POC1A: variants seen among roughly 807,000 people sequenced by gnomAD.
POC1A encodes the protein POC1 centriolar protein A.
A neutral mutation model predicts 47.8 loss-of-function variants in POC1A; 34 were observed. The observed-to-expected ratio is 0.71, with a 90% confidence interval of 0.54 to 0.95. The LOEUF (loss-of-function observed/expected upper bound fraction) is 0.95. Ranked by LOEUF, POC1A falls within the 40% of genes least tolerant of loss-of-function variation. The pLI is 0.00. For synonymous variants in POC1A, 177 were observed against 207.6 expected (o/e 0.85, Z 1.27); for missense variants, 466 against 528.3 (o/e 0.88, Z 1.16).
intron 10 of POC1A, among the ~76,000 whole-genome samples, chr3:52,091,707 C>T (rs1392026255): frequency 6.6e-6 from 1 of 152,208 alleles, no homozygotes; most frequent in African/African-American, 2.4e-5. Flanking sequence ...TGTGGAATGT[C>T]CACTCCTGTC....
intron 10 of POC1A, among the ~76,000 whole-genome samples, chr3:52,086,423 A>G (rs1232695767): frequency 6.6e-6 from 1 of 152,224 alleles, no homozygotes; most frequent in East Asian, 1.9e-4. Context: ...CTCAAGATCT[A>G]AAACAGATAC....
chr3:52,150,112 G>A (rs1295269596), intron 2 of POC1A, 125 bp from the exon 3 acceptor site: 7 of 726,914 alleles, frequency 9.6e-6, no homozygotes, highest in Non-Finnish European at 1.6e-5. Flanking sequence ...CAAACAGACC[G>A]TGAGAAGTCT....
chr3:52,082,632 TCTCA>T (rs1702338201), intron 10 of POC1A, among the ~76,000 whole-genome samples: 1 of 152,156 alleles, frequency 6.6e-6, no homozygotes, highest in Non-Finnish European at 1.5e-5. Flanking sequence ...GTGTGCCTTC[TCTCA>T]CTCACAGTTC....
At chr3:52,077,681 G>T (rs1023748438) in intron 10 of POC1A, among the ~76,000 whole-genome samples, 1 of 152,384 alleles carries the variant, frequency 6.6e-6, no homozygotes, top group South Asian at 2.1e-4. Context: ...ATTCCTGGAA[G>T]TTTCCACTGG....
chr3:52,145,072 A>G (rs1698320308), intron 6 of POC1A, among the ~76,000 whole-genome samples: 1 of 152,118 alleles, frequency 6.6e-6, no homozygotes, highest in Non-Finnish European at 1.5e-5. Context: ...TTTGCCAGCT[A>G]CACAATTCCC....
intron 9 of POC1A, among the ~76,000 whole-genome samples, chr3:52,107,475 G>A (rs1173171963): frequency 6.6e-6 from 1 of 152,234 alleles, no homozygotes; most frequent in Non-Finnish European, 1.5e-5. Flanking sequence ...CCCAACACCT[G>A]TGTGGGAGCA....
At position 52,122,401 on chromosome 3, in the gene POC1A, A is replaced by G; in HGVS notation, c.959T>C (p.Leu320Pro). The G allele has an allele frequency of 6.2e-7, 1 of 1,608,132 alleles. No homozygotes were observed. Among genetic ancestry groups the G allele is most frequent in the Non-Finnish European group, 8.5e-7 (1 of 1,174,494 alleles). ...VTKVPRPPAT[L>P]ASSMGNLPEV... ...TACCAGATTCCCCATGGAGCTGGCC[A>G]GTGTGGCTGGGGGCCTCGGCACTTT... The change falls in exon 9 of 11, where the codon CTG (leucine) becomes CCG (proline). Residue 320 changes from leucine to proline, a missense_variant. Leu to Pro is a moderately conservative substitution (Grantham distance 98). Transcript: ENST00000296484.
intron 7 of POC1A, among the ~76,000 whole-genome samples, chr3:52,135,812 G>A (rs908073743): frequency 6.6e-6 from 1 of 152,136 alleles, no homozygotes; most frequent in South Asian, 2.1e-4. Context: ...CCAAAAGAAA[G>A]CCCTCTCAAG....
intron 9 of POC1A, among the ~76,000 whole-genome samples, chr3:52,106,113 T>C (rs111842241): frequency 0.018 from 2,490 of 138,512 alleles, 57 homozygotes; most frequent in African/African-American, 0.059. Flanking sequence ...GAGAATGACA[T>C]GAACCTGGGA....
chr3:52,100,548 A>T (rs1702962269), intron 9 of POC1A, among the ~76,000 whole-genome samples: 1 of 152,236 alleles, frequency 6.6e-6, no homozygotes, highest in South Asian at 2.1e-4. Context: ...ATAGAAAGTG[A>T]GCATCAGCTG....
rs2106910232 is a variant in POC1A at position 52,075,613 on chromosome 3, GTGGCT to G, written c.*269_*273del. 1 of 282,092 alleles carries G rather than the reference GTGGCT, an allele frequency of 3.5e-6. No individual in the cohort carries two copies. The highest frequency in any genetic ancestry group is 6.2e-5 in the South Asian group (1 of 16,090). The allele number at this position is 282,092 out of a possible 1,614,324, so 17.5% of individuals were successfully genotyped here. ...ACCCCGAAGGAGCAGACATTTTCAAGTGGCTCCTTTACATTAAGCAAAATGTGGTC... is the reference window on the plus strand; with the variant it reads ...ACCCCGAAGGAGCAGACATTTTCAAGCCTTTACATTAAGCAAAATGTGGTC... On this transcript the variant is annotated 3_prime_UTR_variant, in exon 11 of 11. Coordinates refer to ENST00000296484, the MANE Select transcript of POC1A (RefSeq NM_015426.5).
Position 52,077,154 on chromosome 3 carries a change from T to C in POC1A, c.1126-1169A>G, listed in dbSNP as rs562778757. Among the ~76,000 whole-genome samples the C allele has an allele frequency of 3.1e-4, 47 of 152,302 alleles. 1 individual carries two copies. The highest frequency in any genetic ancestry group is 1.0e-3 in the African/African-American group (42 of 41,576). On this transcript the variant is annotated intron_variant, in intron 10 of 10. Transcript: ENST00000296484. ...TGTATGCCAGGCCCCTGCTGGCCAA[T>C]GGATGAGCCCATGTGAGTATGGCAG... is the stretch of plus-strand genomic sequence containing the variant.
chr3:52,130,084 G>A (rs1704155858), intron 7 of POC1A, among the ~76,000 whole-genome samples: 1 of 152,188 alleles, frequency 6.6e-6, no homozygotes, highest in Admixed American at 6.5e-5. Context: ...CTGTATGCCT[G>A]AACTCTGACT....
At chr3:52,136,893 T>C (rs1011333366) in intron 7 of POC1A, among the ~76,000 whole-genome samples, 1 of 152,218 alleles carries the variant, frequency 6.6e-6, no homozygotes, top group Admixed American at 6.5e-5. Context: ...AAAGAGGTGA[T>C]CACTTGATAG....
intron 6 of POC1A, 49 bp downstream of exon 6, chr3:52,145,797 C>G (rs769599228): frequency 1.7e-6 from 2 of 1,201,838 alleles, no homozygotes; most frequent in Non-Finnish European, 2.5e-6. Context: ...AACACCATCA[C>G]AGTCCCACCA....
intron 7 of POC1A, 90 bp from the exon 8 acceptor site, chr3:52,125,271 C>G: frequency 9.1e-7 from 1 of 1,103,190 alleles, no homozygotes; most frequent in Non-Finnish European, 1.4e-6. Flanking sequence ...TGAATGAAAG[C>G]AGCAGCAGGA....
intron 10 of POC1A, among the ~76,000 whole-genome samples, chr3:52,086,339 C>A (rs1702456132): frequency 6.6e-6 from 1 of 152,216 alleles, no homozygotes; most frequent in African/African-American, 2.4e-5. Context: ...TCTAACTTTC[C>A]TTTGGCTTCA....
rs1698472084 is a variant in POC1A at position 52,149,260 on chromosome 3, C to T, written c.405G>A (p.Gln135=). ...KTVKVWATHR[Q]KFLFSLSQHI... is the part of the protein sequence containing the mutation. ...GCTGGCTCAGGGAGAACAGGAATTT[C>T]TGGCGATGAGTTGCCCACACTTTGA... The change falls in exon 4 of 11, where the codon CAG becomes CAA. Residue 135 remains glutamine (Q), a synonymous_variant. Coordinates refer to ENST00000296484, the MANE Select transcript of POC1A (RefSeq NM_015426.5). 1 of 1,614,220 alleles carries T rather than the reference C, an allele frequency of 6.2e-7. No homozygotes were observed. The highest frequency in any genetic ancestry group is 8.5e-7 in the Non-Finnish European group (1 of 1,180,034).
intron 10 of POC1A, among the ~76,000 whole-genome samples, chr3:52,080,589 G>A (rs2106924776): frequency 6.6e-6 from 1 of 152,168 alleles, no homozygotes; most frequent in South Asian, 2.1e-4. Context: ...TTATTACAAA[G>A]GTCATAAGGA....
Sources: gnomAD v4.1 joint callset for allele counts (sites outside exome capture counted in the v4.1 genomes callset) on GRCh38, gnomAD v4.1.1 for gene constraint, MANE v1.5 for transcripts, NCBI Gene and HGNC (gene_info 2026-07-23, HGNC 2026-07-21) for gene names.